Variants in SPOCK1 observed in about 807,000 individuals in gnomAD.
The protein encoded by SPOCK1 is SPARC (osteonectin), cwcv and kazal like domains proteoglycan 1.
SPOCK1 carries 23 observed loss-of-function variants against 55.3 expected under a neutral mutation model. That is an observed-to-expected ratio of 0.42 (90% CI 0.30 to 0.59). SPOCK1 has a LOEUF of 0.59. Ranked by LOEUF, SPOCK1 falls within the 20% of genes least tolerant of loss-of-function variation. The pLI, the probability that SPOCK1 is intolerant of heterozygous loss-of-function variation, is 0.22. For missense variants in SPOCK1, 499 were observed against 552.5 expected (o/e 0.90, Z 0.97); for synonymous variants, 226 against 221.0 (o/e 1.02, Z -0.20).
At chr5:137,310,430 T>C (rs939784576) in intron 2 of SPOCK1, among the ~76,000 whole-genome samples, 9 of 152,338 alleles carry the variant, frequency 5.9e-5, no homozygotes, top group Admixed American at 1.3e-4. Context: ...TACTGAGTTA[T>C]TAGCTATAAG....
chr5:137,056,065 A>T (rs1396422944), intron 6 of SPOCK1, among the ~76,000 whole-genome samples: 8 of 152,344 alleles, frequency 5.3e-5, no homozygotes, highest in Middle Eastern at 3.4e-3. Context: ...ACATTTCCTC[A>T]GTTACTTCAT....
At chr5:137,181,298 A>G (rs138409649) in intron 3 of SPOCK1, among the ~76,000 whole-genome samples, 60 of 152,340 alleles carry the variant, frequency 3.9e-4, no homozygotes, top group African/African-American at 1.4e-3. Context: ...GCACTGGGCT[A>G]TTAAGTTTGG....
chr5:136,979,439 C>A lies in SPOCK1; in HGVS notation c.1022G>T (p.Gly341Val), dbSNP rs1213375223. Reference protein sequence around the residue: ...GAFIPRCNEEGYYKATQCHGS... With the variant: ...GAFIPRCNEEVYYKATQCHGS... ...GTGGCACTGTGTGGCTTTGTAATAG[C>A]CCTCCTCATTACACCGAGGTATGAA... The change falls in exon 10 of 11, where the codon GGC becomes GTC. Residue 341 changes from glycine to valine, a missense_variant. Gly to Val is a moderately radical substitution (Grantham distance 109). This residue lies in a region of SPOCK1 where 30 missense variants were observed against 64.4 expected (regional missense o/e 0.47). Transcript: ENST00000394945. 4.3e-6 allele frequency: 7 copies of A among 1,613,936 alleles called. No homozygotes were observed. The highest frequency in any genetic ancestry group is 5.9e-6 in the Non-Finnish European group (7 of 1,179,974).
chr5:137,434,731 G>A (rs1333806317), intron 2 of SPOCK1, among the ~76,000 whole-genome samples: 1 of 151,636 alleles, frequency 6.6e-6, no homozygotes, highest in Admixed American at 6.6e-5. Flanking sequence ...TCAATCTCCT[G>A]ACCTCGTGAT....
At chr5:137,060,251 T>A (rs561876184) in intron 6 of SPOCK1, among the ~76,000 whole-genome samples, 2 of 152,198 alleles carry the variant, frequency 1.3e-5, no homozygotes, top group Admixed American at 6.5e-5. Context: ...ACATGTACCA[T>A]AGAATACTAC....
chr5:137,369,959 T>C (rs1366880251), intron 2 of SPOCK1, among the ~76,000 whole-genome samples: 1 of 152,052 alleles, frequency 6.6e-6, no homozygotes, highest in Non-Finnish European at 1.5e-5. Context: ...GGAACACAAT[T>C]CTATCCATAG....
intron 5 of SPOCK1, among the ~76,000 whole-genome samples, chr5:137,076,672 T>C (rs1444710859): frequency 1.3e-5 from 2 of 150,996 alleles, no homozygotes; most frequent in Non-Finnish European, 2.9e-5. Context: ...AGTAAATTCA[T>C]ATCTCCTTTG....
chr5:137,162,658 A>C (rs1372783394), intron 3 of SPOCK1, among the ~76,000 whole-genome samples: 3 of 152,150 alleles, frequency 2.0e-5, no homozygotes, highest in African/African-American at 7.2e-5. Context: ...CCTCCCCTAC[A>C]ACAAAGAATT....
chr5:137,476,690 C>A (rs909354672), intron 2 of SPOCK1, among the ~76,000 whole-genome samples: 1 of 152,112 alleles, frequency 6.6e-6, no homozygotes, highest in Non-Finnish European at 1.5e-5. Context: ...TTTGGCAGGC[C>A]GAGGCAAGTG....
chr5:137,261,571 T>G lies in SPOCK1; in HGVS notation c.232+5439A>C, dbSNP rs73791006. 4.4e-3 allele frequency among the ~76,000 whole-genome samples: 674 copies of G among 152,274 alleles called. 2 individuals are homozygous for G. Among genetic ancestry groups the G allele is most frequent in the Middle Eastern group, 0.014 (4 of 294 alleles). ...ATGAGTGAAAGGGGCCCCTGACTCTTTGAGTTTTATTTTTATCTGGAGATC... is the reference window on the plus strand; with the variant it reads ...ATGAGTGAAAGGGGCCCCTGACTCTGTGAGTTTTATTTTTATCTGGAGATC... On this transcript the variant is annotated intron_variant, in intron 3 of 10. Transcript: ENST00000394945.
At chr5:137,087,733 C>G (rs925725430) in intron 5 of SPOCK1, among the ~76,000 whole-genome samples, 17 of 152,226 alleles carry the variant, frequency 1.1e-4, no homozygotes, top group Admixed American at 8.5e-4. Context: ...AGGGGCCCAG[C>G]CTCCGCTGGA....
At chr5:136,979,206 G>T in intron 10 of SPOCK1, 126 bp downstream of exon 10, 1 of 1,351,104 alleles carries the variant, frequency 7.4e-7, no homozygotes, top group Non-Finnish European at 1.0e-6. Context: ...GGGTTACTAT[G>T]CCTCTATTAT....
At chr5:137,157,963 G>A (rs1207623096) in intron 3 of SPOCK1, among the ~76,000 whole-genome samples, 1 of 152,192 alleles carries the variant, frequency 6.6e-6, no homozygotes, top group Non-Finnish European at 1.5e-5. Flanking sequence ...TTGGGAGGCT[G>A]AGGCCGGAGA....
At chr5:137,446,124 C>A (rs1335006475) in intron 2 of SPOCK1, among the ~76,000 whole-genome samples, 1 of 152,160 alleles carries the variant, frequency 6.6e-6, no homozygotes, top group Non-Finnish European at 1.5e-5. Context: ...TCCACAATAT[C>A]CCTTTGGACT....
chr5:137,106,621 AC>A (rs1217375908), intron 5 of SPOCK1, among the ~76,000 whole-genome samples: 1 of 151,778 alleles, frequency 6.6e-6, no homozygotes, highest in Non-Finnish European at 1.5e-5. Context: ...CCATCCCTGC[AC>A]CCTCTCTGCA....
At chr5:137,440,987 T>G (rs1408813800) in intron 2 of SPOCK1, among the ~76,000 whole-genome samples, 2 of 152,234 alleles carry the variant, frequency 1.3e-5, no homozygotes, top group African/African-American at 4.8e-5. Flanking sequence ...AGGGCAGTAA[T>G]AGTTCTTTAA....
intron 3 of SPOCK1, among the ~76,000 whole-genome samples, chr5:137,219,042 T>C (rs2127086476): frequency 6.6e-6 from 1 of 152,298 alleles, no homozygotes; most frequent in South Asian, 2.1e-4. Flanking sequence ...AGAAGAAACC[T>C]GTTTTATACA....
At chr5:137,242,667 G>A (rs902936844) in intron 3 of SPOCK1, among the ~76,000 whole-genome samples, 2 of 152,202 alleles carry the variant, frequency 1.3e-5, no homozygotes, top group African/African-American at 4.8e-5. Flanking sequence ...GAGCCCAGGA[G>A]GTCGAGGCTG....
intron 5 of SPOCK1, among the ~76,000 whole-genome samples, chr5:137,077,027 C>T (rs1752781439): frequency 6.6e-6 from 1 of 152,072 alleles, no homozygotes; most frequent in African/African-American, 2.4e-5. Flanking sequence ...GGGTTCATGC[C>T]ATTCTCCTGC....
Sources: allele counts gnomAD v4.1 joint callset (sites outside exome capture counted in the v4.1 genomes callset), GRCh38; gene constraint gnomAD v4.1.1; regional missense constraint gnomAD v4.1.1; transcripts MANE v1.5; gene names NCBI Gene and HGNC (gene_info 2026-07-23, HGNC 2026-07-21).